The following GALNTL6 variants were observed in gnomAD, a reference collection of about 807,000 sequenced individuals.
GALNTL6 encodes the protein polypeptide N-acetylgalactosaminyltransferase like 6, also known as polypeptide N-acetylgalactosaminyltransferase-like 6.
A neutral mutation model predicts 73.7 loss-of-function variants in GALNTL6; 46 were observed. The ratio of observed to expected loss-of-function variants is 0.62; its 90% CI spans 0.49 to 0.80. GALNTL6 has a LOEUF of 0.80. GALNTL6 is among the 30% of genes least tolerant of loss of function. The probability of loss-of-function intolerance (pLI) is 0.00; values close to 1 mark genes in which losing one functional copy is unlikely to be tolerated. For synonymous variants in GALNTL6, 259 were observed against 263.7 expected (o/e 0.98, Z 0.17); for missense variants, 604 against 755.0 (o/e 0.80, Z 2.34).
chr4:172,898,366 A>G (rs1386889777), intron 8 of GALNTL6, among the ~76,000 whole-genome samples: 1 of 151,914 alleles, frequency 6.6e-6, no homozygotes, highest in Non-Finnish European at 1.5e-5. Context: ...TATAAATAAA[A>G]ATAATTACGA....
At chr4:172,498,789 C>T (rs1191871618) in intron 5 of GALNTL6, among the ~76,000 whole-genome samples, 1 of 152,014 alleles carries the variant, frequency 6.6e-6, no homozygotes, top group East Asian at 1.9e-4. Context: ...GTTTTCAAGG[C>T]TATATGCCTC....
intron 5 of GALNTL6, among the ~76,000 whole-genome samples, chr4:172,366,827 A>G (rs946668046): frequency 6.6e-6 from 1 of 152,230 alleles, no homozygotes; most frequent in African/African-American, 2.4e-5. Flanking sequence ...GTCCAAAAAG[A>G]GAATGAATAT....
chr4:172,675,487 G>A (rs1300553683), intron 5 of GALNTL6, among the ~76,000 whole-genome samples: 4 of 152,186 alleles, frequency 2.6e-5, no homozygotes, highest in African/African-American at 9.6e-5. Context: ...GTGCATGGTG[G>A]CACTGGAGGT....
In GALNTL6 at chr4:172,270,768, G is replaced by C. The variant is rs145847206; in HGVS notation, c.248-40846G>C. Among the ~76,000 whole-genome samples, 601 of 152,072 alleles carry C rather than the reference G, an allele frequency of 4.0e-3. 3 individuals are homozygous for C. The highest frequency in any genetic ancestry group is 0.014 in the African/African-American group (574 of 41,506). On this transcript the variant is annotated intron_variant, in intron 3 of 12. Transcript: ENST00000506823. Reference sequence around the variant, plus strand: ...ATAGATAGATGATAGATAGTAGATAGATAATCTCTAGATATAGAGCTGTCT... The same window carrying C: ...ATAGATAGATGATAGATAGTAGATACATAATCTCTAGATATAGAGCTGTCT...
intron 5 of GALNTL6, among the ~76,000 whole-genome samples, chr4:172,633,659 T>C (rs2111102276): frequency 6.6e-6 from 1 of 152,194 alleles, no homozygotes; most frequent in Non-Finnish European, 1.5e-5. Flanking sequence ...GCATGATTGG[T>C]TTTCGAATGT....
chr4:171,986,452 T>C (rs1315978649), intron 2 of GALNTL6, among the ~76,000 whole-genome samples: 3 of 152,140 alleles, frequency 2.0e-5, no homozygotes, highest in Non-Finnish European at 4.4e-5. Flanking sequence ...TAGCTTGGGC[T>C]CAGAGGCCTG....
intron 10 of GALNTL6, among the ~76,000 whole-genome samples, chr4:172,973,125 C>A (rs577905308): frequency 2.0e-5 from 3 of 152,076 alleles, no homozygotes; most frequent in Admixed American, 6.6e-5. Context: ...ATTCCTGATG[C>A]AATAACTGAT....
At chr4:172,170,336 T>A (rs898766798) in intron 2 of GALNTL6, among the ~76,000 whole-genome samples, 1 of 152,128 alleles carries the variant, frequency 6.6e-6, no homozygotes, top group South Asian at 2.1e-4. Context: ...TTTTTAACAA[T>A]GCCTCCTTCG....
intron 2 of GALNTL6, among the ~76,000 whole-genome samples, chr4:172,056,839 T>C (rs1731032563): frequency 1.3e-5 from 2 of 152,104 alleles, no homozygotes; most frequent in South Asian, 4.1e-4. Context: ...ATAGACTATG[T>C]GTATCAATTT....
At chr4:172,521,336 AT>A (rs542276377) in intron 5 of GALNTL6, among the ~76,000 whole-genome samples, 166 of 152,268 alleles carry the variant, frequency 1.1e-3, no homozygotes, top group African/African-American at 3.8e-3. Context: ...GGTATAAAAC[AT>A]TTTACCACAA....
intron 5 of GALNTL6, among the ~76,000 whole-genome samples, chr4:172,680,862 C>G (rs929289195): frequency 2.6e-5 from 4 of 152,186 alleles, no homozygotes; most frequent in African/African-American, 9.6e-5. Context: ...AAACAGTAAT[C>G]AGTTGAGACA....
intron 8 of GALNTL6, among the ~76,000 whole-genome samples, chr4:172,927,450 C>T (rs1748115247): frequency 6.6e-6 from 1 of 152,042 alleles, no homozygotes; most frequent in Non-Finnish European, 1.5e-5. Flanking sequence ...TATGTAGTTC[C>T]AATTACTACT....
At chr4:171,875,674 C>T (rs1736258291) in intron 2 of GALNTL6, among the ~76,000 whole-genome samples, 1 of 151,788 alleles carries the variant, frequency 6.6e-6, no homozygotes, top group Non-Finnish European at 1.5e-5. Context: ...GACATTCTGA[C>T]ATTTTAACTG....
chr4:172,092,667 A>G (rs1165240695), intron 2 of GALNTL6, among the ~76,000 whole-genome samples: 1 of 152,088 alleles, frequency 6.6e-6, no homozygotes, highest in Non-Finnish European at 1.5e-5. Context: ...ACTCTTTGAT[A>G]GAGTAAATTC....
At chr4:172,381,609 C>G (rs995574413) in intron 5 of GALNTL6, among the ~76,000 whole-genome samples, 1 of 151,948 alleles carries the variant, frequency 6.6e-6, no homozygotes, top group Non-Finnish European at 1.5e-5. Flanking sequence ...TATTTAATTC[C>G]TTTTTATGAG....
intron 2 of GALNTL6, among the ~76,000 whole-genome samples, chr4:172,168,805 T>C (rs1734718507): frequency 1.3e-5 from 2 of 152,222 alleles, no homozygotes; most frequent in Non-Finnish European, 2.9e-5. Flanking sequence ...GCTGCATCAA[T>C]AGTAAACCTA....
At chr4:172,114,675 T>C (rs142878641) in intron 2 of GALNTL6, among the ~76,000 whole-genome samples, 3 of 152,238 alleles carry the variant, frequency 2.0e-5, no homozygotes, top group African/African-American at 7.2e-5. Context: ...TTAATGGTAA[T>C]TGTTTTTAAA....
chr4:172,025,244 T>C (rs1428125071), intron 2 of GALNTL6, among the ~76,000 whole-genome samples: 1 of 152,068 alleles, frequency 6.6e-6, no homozygotes, highest in African/African-American at 2.4e-5. Flanking sequence ...GGATGTCAAG[T>C]ATTTAGAGTG....
chr4:172,783,118 C>T (rs956750204), intron 5 of GALNTL6, among the ~76,000 whole-genome samples: 10 of 151,118 alleles, frequency 6.6e-5, no homozygotes, highest in Admixed American at 2.6e-4. Flanking sequence ...GGACCTGCCA[C>T]GGCAGGTCCA....
Sources: gnomAD v4.1 joint callset for allele counts (sites outside exome capture counted in the v4.1 genomes callset) on GRCh38, gnomAD v4.1.1 for gene constraint, MANE v1.5 for transcripts, NCBI Gene and HGNC (gene_info 2026-07-23, HGNC 2026-07-21) for gene names.